The following PAPPA2 variants were observed in gnomAD, a reference collection of about 807,000 sequenced individuals.
The protein encoded by PAPPA2 is pappalysin-2.
Under a neutral mutation model 176.4 loss-of-function variants are expected in PAPPA2, and 86 were observed. That is an observed-to-expected ratio of 0.49 (90% CI 0.41 to 0.58). PAPPA2 has a LOEUF of 0.58. Ranked by LOEUF, PAPPA2 falls within the 20% of genes least tolerant of loss-of-function variation. The probability of loss-of-function intolerance (pLI) is 0.00; values close to 1 mark genes in which losing one functional copy is unlikely to be tolerated. For synonymous variants in PAPPA2, 809 were observed against 852.2 expected (o/e 0.95, Z 0.88); for missense variants, 2,073 against 2,256.9 (o/e 0.92, Z 1.65).
intron 14 of PAPPA2, among the ~76,000 whole-genome samples, chr1:176,752,091 A>C: frequency 7.8e-6 from 1 of 127,882 alleles, no homozygotes; most frequent in Non-Finnish European, 1.6e-5. Flanking sequence ...CTATCGCAAG[A>C]ACAAAAAATC....
At chr1:176,811,236 A>T (rs1381882198) in intron 21 of PAPPA2, among the ~76,000 whole-genome samples, 2 of 152,218 alleles carry the variant, frequency 1.3e-5, no homozygotes, top group African/African-American at 2.4e-5. Flanking sequence ...GCATAAAAAA[A>T]CCAATGTTCT....
intron 21 of PAPPA2, among the ~76,000 whole-genome samples, chr1:176,823,334 A>G (rs541227311): frequency 6.6e-6 from 1 of 152,218 alleles, no homozygotes; most frequent in Non-Finnish European, 1.5e-5. Context: ...TGCTCAGTGA[A>G]GCTGATCTTG....
chr1:176,465,638 CT>C (rs528430128), intron 1 of PAPPA2, among the ~76,000 whole-genome samples: 665 of 127,474 alleles, frequency 5.2e-3, no homozygotes, highest in East Asian at 5.9e-3. Context: ...CCAGGCCATT[CT>C]TTTTTTTTTT....
chr1:176,627,289 T>A (rs1656085602), intron 3 of PAPPA2, among the ~76,000 whole-genome samples: 1 of 152,300 alleles, frequency 6.6e-6, no homozygotes, highest in East Asian at 1.9e-4. Flanking sequence ...AAAAAGTTGG[T>A]TGGATTAAGT....
chr1:176,707,170 A>C (rs1358118327), intron 10 of PAPPA2, among the ~76,000 whole-genome samples: 1 of 152,200 alleles, frequency 6.6e-6, no homozygotes, highest in Non-Finnish European at 1.5e-5. Context: ...GGATAACCAC[A>C]CATTGAAGTT....
At chr1:176,829,608 C>A (rs1557898180) in intron 21 of PAPPA2, among the ~76,000 whole-genome samples, 1 of 152,226 alleles carries the variant, frequency 6.6e-6, no homozygotes, top group African/African-American at 2.4e-5. Context: ...CCAAACAGGA[C>A]CTAACAGTCT....
At position 176,515,991 on chromosome 1, in the gene PAPPA2, G is replaced by A. The variant is rs541438198; in HGVS notation, c.-916-39416G>A. Reference sequence around the variant, plus strand: ...GCCCATTTTATGGATGAGACTAAAAGTGGTGGAGTAAACTTGGCCAAAGTC... The same window carrying A: ...GCCCATTTTATGGATGAGACTAAAAATGGTGGAGTAAACTTGGCCAAAGTC... On this transcript the variant is annotated intron_variant, in intron 1 of 22. Transcript: ENST00000367662. Among the ~76,000 whole-genome samples, 5 of 152,304 alleles carry A rather than the reference G, an allele frequency of 3.3e-5. No homozygotes were observed. In the South Asian group the frequency reaches 1.0e-3, roughly 32 times the overall value.
At position 176,467,240 on chromosome 1, in the gene PAPPA2, T is replaced by A. The variant is rs76559427; in HGVS notation, c.-917+3822T>A. 8.1e-3 allele frequency among the ~76,000 whole-genome samples: 1,239 copies of A among 152,326 alleles called. 25 individuals carry two copies. Among genetic ancestry groups the A allele is most frequent in the African/African-American group, 0.028 (1,184 of 41,574 alleles). On this transcript the variant is annotated intron_variant, in intron 1 of 22. Transcript: ENST00000367662. ...TAGAAAAAGAATAGTAAAAATATAATATTATAATCTTATGGGACCACTGTT... is the reference window on the plus strand; with the variant it reads ...TAGAAAAAGAATAGTAAAAATATAAAATTATAATCTTATGGGACCACTGTT...
At chr1:176,685,766 T>C (rs1053276678) in intron 4 of PAPPA2, among the ~76,000 whole-genome samples, 4 of 152,216 alleles carry the variant, frequency 2.6e-5, no homozygotes, top group African/African-American at 9.7e-5. Context: ...TTATTTATTA[T>C]CACATCTTGT....
intron 12 of PAPPA2, among the ~76,000 whole-genome samples, chr1:176,715,271 GTAAA>G (rs1661316859): frequency 6.6e-6 from 1 of 152,184 alleles, no homozygotes; most frequent in South Asian, 2.1e-4. Flanking sequence ...TCGCAGCAAG[GTAAA>G]TGGGATTCCA....
In PAPPA2 at chr1:176,699,260, G is replaced by C; in HGVS notation, c.2907G>C (p.Trp969Cys). ...HPVQADTLTL[W>C]VTSFFMESSQ... ...TCCAAGCCGACACCCTCACCCTGTG[G>C]GTCACTTCCTTCTTCATGGAGTCCT... Residue 969 changes from tryptophan to cysteine, a missense_variant, in exon 8 of 23, where the codon TGG (tryptophan) becomes TGC (cysteine). Coordinates refer to ENST00000367662, the MANE Select transcript of PAPPA2 (RefSeq NM_020318.3). 6.2e-7 allele frequency: 1 copy of C among 1,614,110 alleles called. No homozygotes were observed. The highest frequency in any genetic ancestry group is 1.1e-5 in the South Asian group (1 of 91,072).
intron 21 of PAPPA2, among the ~76,000 whole-genome samples, chr1:176,801,060 A>C (rs1263742085): frequency 6.6e-6 from 1 of 151,882 alleles, no homozygotes; most frequent in East Asian, 1.9e-4. Context: ...ACGATGACCT[A>C]GAAATTCTGT....
At chr1:176,486,203 T>C (rs1432207226) in intron 1 of PAPPA2, among the ~76,000 whole-genome samples, 1 of 152,236 alleles carries the variant, frequency 6.6e-6, no homozygotes, top group East Asian at 1.9e-4. Flanking sequence ...GCATCTCTTG[T>C]TTATCAATTG....
At chr1:176,822,215 T>C (rs1437111911) in intron 21 of PAPPA2, among the ~76,000 whole-genome samples, 1 of 152,202 alleles carries the variant, frequency 6.6e-6, no homozygotes. Context: ...TTAGAAACTT[T>C]CGATTACTCC....
rs114131063 is a variant in PAPPA2, at chr1:176,477,954, G to T, written c.-917+14536G>T. On this transcript the variant is annotated intron_variant, in intron 1 of 22. Coordinates refer to ENST00000367662, the MANE Select transcript of PAPPA2 (RefSeq NM_020318.3). ...ACCAGAGAAGTTAAACTATTTCCAA[G>T]TTAACAGCTGGGTTATCTGTTCTTA... Among the ~76,000 whole-genome samples, 296 of 152,218 alleles carry T rather than the reference G, an allele frequency of 1.9e-3. 2 individuals carry two copies. Among genetic ancestry groups the T allele is most frequent in the Middle Eastern group, 6.8e-3 (2 of 294 alleles).
chr1:176,699,066 C>T lies in PAPPA2; in HGVS notation c.2747-34C>T, dbSNP rs765842042. The T allele has an allele frequency of 3.2e-6, 5 of 1,581,694 alleles. No individual in the cohort carries two copies. The South Asian group carries it at 5.8e-5, about 18-fold the overall frequency. Reference sequence around the variant, plus strand: ...CTCATTTTCTGACTTTTAATGGCTGCTACTGATGTATCTTTCTGCTAATCT... The same window carrying T: ...CTCATTTTCTGACTTTTAATGGCTGTTACTGATGTATCTTTCTGCTAATCT... On this transcript the variant is annotated intron_variant, in intron 7 of 22. Coordinates refer to ENST00000367662, the MANE Select transcript of PAPPA2 (RefSeq NM_020318.3).
chr1:176,670,921 A>G (rs766630111), intron 3 of PAPPA2, 49 bp from the exon 4 acceptor site: 64 of 1,608,710 alleles, frequency 4.0e-5, no homozygotes, highest in Non-Finnish European at 8.5e-7. Context: ...GCTATTCTCT[A>G]AGTACCAATT....
chr1:176,543,480 C>T (rs1291084361), intron 1 of PAPPA2, among the ~76,000 whole-genome samples: 1 of 152,028 alleles, frequency 6.6e-6, no homozygotes, highest in East Asian at 1.9e-4. Flanking sequence ...TCTGTTTGGT[C>T]ACTTTCTGGA....
chr1:176,705,485 C>T (rs1052321811), intron 9 of PAPPA2, among the ~76,000 whole-genome samples: 1 of 152,028 alleles, frequency 6.6e-6, no homozygotes, highest in African/African-American at 2.4e-5. Context: ...CCTTTATCTA[C>T]TGAGTTAAAA....
Sources: allele counts gnomAD v4.1 joint callset (sites outside exome capture counted in the v4.1 genomes callset), GRCh38; gene constraint gnomAD v4.1.1; transcripts MANE v1.5; gene names NCBI Gene and HGNC (gene_info 2026-07-23, HGNC 2026-07-21).